XYLT1: variants seen among roughly 807,000 people sequenced by gnomAD.
XYLT1 encodes the protein xylosyltransferase 1, also known as beta-D-xylosyltransferase 1.
Under a neutral mutation model 91.3 loss-of-function variants are expected in XYLT1, and 36 were observed. That is an observed-to-expected ratio of 0.39 (90% confidence interval 0.30 to 0.52). The LOEUF is 0.52. Ranked by LOEUF, XYLT1 falls within the 20% of genes least tolerant of loss-of-function variation. The probability of loss-of-function intolerance (pLI) is 0.68; values close to 1 mark genes in which losing one functional copy is unlikely to be tolerated. For missense variants in XYLT1, 1,242 were observed against 1,284.5 expected, an observed-to-expected ratio of 0.97 and a Z score of 0.51; for synonymous variants, 588 against 532.0, an observed-to-expected ratio of 1.11 and a Z score of -1.45.
intron 8 of XYLT1, among the ~76,000 whole-genome samples, chr16:17,135,379 T>G (rs1428833626): frequency 1.3e-5 from 2 of 151,856 alleles, no homozygotes; most frequent in Non-Finnish European, 2.9e-5. Flanking sequence ...AAATTCAGAT[T>G]CCAGGCCAGG....
intron 1 of XYLT1, among the ~76,000 whole-genome samples, chr16:17,379,752 C>T (rs1257410082): frequency 1.5e-3 from 209 of 138,644 alleles, no homozygotes; most frequent in African/African-American, 5.9e-3. Flanking sequence ...CTCTCTCTCT[C>T]TCTCTCTCTC....
In XYLT1 at chr16:17,398,834, T is replaced by TTTTTGTTTTG. The variant is rs61263735; in HGVS notation, c.364-40794_364-40785dup. The stretch of plus-strand genomic sequence containing the variant: ...AATGTCCCCGCCCCCCCCCACTGTT[T>TTTTTGTTTTG]TTTTGTTTTGTTTTGTTTTGTTTTG... On this transcript the variant is annotated intron_variant, in intron 1 of 11. Transcript: ENST00000261381. Among the ~76,000 whole-genome samples the TTTTTGTTTTG allele has an allele frequency of 6.4e-3, 630 of 98,296 alleles. 10 individuals carry two copies. Among genetic ancestry groups the TTTTTGTTTTG allele is most frequent in the African/African-American group, 0.021 (484 of 22,954 alleles). 64.5% of individuals were successfully genotyped at this position (98,296 alleles called of 152,430 possible).
intron 2 of XYLT1, among the ~76,000 whole-genome samples, chr16:17,332,622 G>A (rs989260225): frequency 6.7e-6 from 1 of 149,854 alleles, no homozygotes; most frequent in African/African-American, 2.5e-5. Flanking sequence ...GGCTTCCTGA[G>A]CAAAGTGGGA....
chr16:17,428,600 A>C (rs2036348067), intron 1 of XYLT1, among the ~76,000 whole-genome samples: 1 of 152,178 alleles, frequency 6.6e-6, no homozygotes, highest in Non-Finnish European at 1.5e-5. Context: ...GGTCTCTCCA[A>C]AAGTGCTAAA....
At chr16:17,362,421 G>A (rs1054998403) in intron 1 of XYLT1, among the ~76,000 whole-genome samples, 3 of 152,166 alleles carry the variant, frequency 2.0e-5, no homozygotes, top group Non-Finnish European at 4.4e-5. Context: ...AGCTCTATGC[G>A]TGGCAGGCAC....
At chr16:17,349,382 TATCTC>T (rs1196774313) in intron 2 of XYLT1, among the ~76,000 whole-genome samples, 1 of 152,178 alleles carries the variant, frequency 6.6e-6, no homozygotes, top group African/African-American at 2.4e-5. Context: ...ATCTTATTGA[TATCTC>T]TACCTATCTT....
intron 5 of XYLT1, among the ~76,000 whole-genome samples, chr16:17,180,725 T>C (rs1304315031): frequency 6.6e-6 from 1 of 152,188 alleles, no homozygotes; most frequent in Non-Finnish European, 1.5e-5. Context: ...TAACTGGTCT[T>C]ATAGGCAGTG....
intron 2 of XYLT1, among the ~76,000 whole-genome samples, chr16:17,335,054 T>G (rs186483841): frequency 8.0e-4 from 121 of 151,900 alleles, no homozygotes; most frequent in African/African-American, 2.9e-3. Flanking sequence ...CATAACCCCA[T>G]GTCTACTCAA....
At chr16:17,433,450 G>A (rs181091770) in intron 1 of XYLT1, among the ~76,000 whole-genome samples, 11 of 152,330 alleles carry the variant, frequency 7.2e-5, no homozygotes, top group Admixed American at 3.3e-4. Context: ...AAGGAAGCAC[G>A]GTCGGGAAGG....
chr16:17,134,440 AGCTCTCCTCTCT>A (rs751187575), intron 9 of XYLT1, 21 bp downstream of exon 9: 3 of 1,609,314 alleles, frequency 1.9e-6, no homozygotes, highest in East Asian at 4.5e-5. Context: ...CCTGCTTCTC[AGCTCTCCTCTCT>A]GCATCCCATA....
At chr16:17,250,375 G>A (rs931544399) in intron 3 of XYLT1, 3 of 152,238 alleles carry the variant, frequency 2.0e-5, no homozygotes, top group African/African-American at 7.2e-5. Flanking sequence ...TGAAAATTAT[G>A]TGAAACTCAC....
chr16:17,402,755 T>TC (rs915875683), intron 1 of XYLT1, among the ~76,000 whole-genome samples: 2 of 151,134 alleles, frequency 1.3e-5, no homozygotes, highest in African/African-American at 4.9e-5. Flanking sequence ...TTTTTTTTTT[T>TC]TTTAAGAGAT....
intron 1 of XYLT1, among the ~76,000 whole-genome samples, chr16:17,442,557 C>G (rs2036544458): frequency 1.3e-5 from 2 of 152,166 alleles, no homozygotes; most frequent in African/African-American, 2.4e-5. Context: ...CAACTCTCTG[C>G]AGACTTATCA....
rs116039188 is a variant in XYLT1 at position 17,118,751 on chromosome 16, G to A, written c.2224-772C>T. On this transcript the variant is annotated intron_variant, in intron 10 of 11. Transcript: ENST00000261381. ...AATGTCCTCTTACTGCTGCCCCCAGGCTTCTTAGTGCACTCAGAGTCTGAG... is the reference window on the plus strand; with the variant it reads ...AATGTCCTCTTACTGCTGCCCCCAGACTTCTTAGTGCACTCAGAGTCTGAG... Among the ~76,000 whole-genome samples the A allele has an allele frequency of 2.3e-3, 350 of 152,108 alleles. 4 individuals are homozygous for A. The highest frequency in any genetic ancestry group is 8.2e-3 in the African/African-American group (340 of 41,466).
chr16:17,399,357 G>T (rs1326194219), intron 1 of XYLT1, among the ~76,000 whole-genome samples: 4 of 152,160 alleles, frequency 2.6e-5, no homozygotes, highest in Non-Finnish European at 5.9e-5. Flanking sequence ...TTCTGGTGCT[G>T]TTGGAAGGAT....
intron 2 of XYLT1, among the ~76,000 whole-genome samples, chr16:17,295,978 G>A (rs775085219): frequency 1.3e-5 from 2 of 152,086 alleles, no homozygotes; most frequent in Non-Finnish European, 2.9e-5. Flanking sequence ...AAATCTGGAG[G>A]TGTTTCATCT....
At chr16:17,319,385 G>T (rs1439934530) in intron 2 of XYLT1, among the ~76,000 whole-genome samples, 1 of 151,970 alleles carries the variant, frequency 6.6e-6, no homozygotes, top group Non-Finnish European at 1.5e-5. Flanking sequence ...CCCAAATTCC[G>T]CATCAGAACA....
intron 2 of XYLT1, among the ~76,000 whole-genome samples, chr16:17,341,613 T>G (rs1017071444): frequency 6.6e-6 from 1 of 152,194 alleles, no homozygotes; most frequent in Non-Finnish European, 1.5e-5. Flanking sequence ...CTTCAATAAC[T>G]TGTGCACCGA....
chr16:17,267,567 C>T (rs1043173934), intron 2 of XYLT1, among the ~76,000 whole-genome samples: 24 of 152,182 alleles, frequency 1.6e-4, no homozygotes, highest in African/African-American at 5.1e-4. Flanking sequence ...CCACCAAGCC[C>T]GGCTAATATT....
Sources: allele counts gnomAD v4.1 joint callset (sites outside exome capture counted in the v4.1 genomes callset), GRCh38; gene constraint gnomAD v4.1.1; transcripts MANE v1.5; gene names NCBI Gene and HGNC (gene_info 2026-07-23, HGNC 2026-07-21).